PLEKHA7: variants seen among roughly 807,000 people sequenced by gnomAD.
PLEKHA7 encodes pleckstrin homology domain-containing family A member 7.
Under a neutral mutation model 170.0 loss-of-function variants are expected in PLEKHA7, and 104 were observed. That is an observed-to-expected ratio of 0.61 (90% CI 0.52 to 0.72). The LOEUF (loss-of-function observed/expected upper bound fraction) is 0.72, where lower values mean the gene tolerates loss of function less well. Among genes scored for constraint, PLEKHA7 ranks in the 30% least tolerant of loss-of-function variants. The pLI, the probability that PLEKHA7 is intolerant of heterozygous loss-of-function variation, is 0.00. For missense variants in PLEKHA7, 1,615 were observed against 1,671.7 expected (o/e 0.97, Z 0.59); for synonymous variants, 648 against 660.8 (o/e 0.98, Z 0.30).
chr11:16,898,023 C>CT (rs201013644), intron 3 of PLEKHA7, among the ~76,000 whole-genome samples: 117 of 151,284 alleles, frequency 7.7e-4, no homozygotes, highest in African/African-American at 2.7e-3. Flanking sequence ...AAGGCCATTC[C>CT]TTTTTTTTTC....
chr11:16,911,020 A>G (rs1590589090), intron 3 of PLEKHA7, among the ~76,000 whole-genome samples: 2 of 152,184 alleles, frequency 1.3e-5, no homozygotes, highest in South Asian at 4.1e-4. Context: ...AAACATTCCT[A>G]TATCTGATGA....
intron 3 of PLEKHA7, among the ~76,000 whole-genome samples, chr11:16,982,618 A>G (rs1276680872): frequency 6.6e-6 from 1 of 152,168 alleles, no homozygotes; most frequent in Non-Finnish European, 1.5e-5. Flanking sequence ...AACCCGTGGT[A>G]CCGGAGCCCC....
rs1350530973 is a variant in PLEKHA7 at position 16,895,826 on chromosome 11, G to A, written c.222-24644C>T. Reference sequence around the variant, plus strand: ...AATAAACAAACCCTCACCTGAAAGGGGCAAAATCTACTTCTCCTTAGCCTC... The same window carrying A: ...AATAAACAAACCCTCACCTGAAAGGAGCAAAATCTACTTCTCCTTAGCCTC... On this transcript the variant is annotated intron_variant, in intron 3 of 26. Transcript: ENST00000531066. Among the ~76,000 whole-genome samples, 3 of 152,264 alleles carry A rather than the reference G, an allele frequency of 2.0e-5. No individual in the cohort carries two copies. The East Asian group carries it at 5.8e-4, about 29-fold the overall frequency.
At chr11:16,885,273 C>T (rs373185572) in intron 3 of PLEKHA7, among the ~76,000 whole-genome samples, 18 of 150,268 alleles carry the variant, frequency 1.2e-4, no homozygotes, top group African/African-American at 3.7e-4. Flanking sequence ...GAGGTTGCAG[C>T]GAGCCAAGAT....
chr11:16,901,968 A>G (rs1008411267), intron 3 of PLEKHA7, among the ~76,000 whole-genome samples: 1 of 152,184 alleles, frequency 6.6e-6, no homozygotes, highest in African/African-American at 2.4e-5. Context: ...TCATTGCCCT[A>G]AATGGAAGTC....
intron 4 of PLEKHA7, among the ~76,000 whole-genome samples, chr11:16,861,065 A>G (rs1360637361): frequency 2.6e-5 from 4 of 152,232 alleles, no homozygotes; most frequent in Non-Finnish European, 4.4e-5. Flanking sequence ...TTTCCAAGGC[A>G]TATGTCTCCA....
intron 13 of PLEKHA7, among the ~76,000 whole-genome samples, chr11:16,810,250 A>C (rs1388292095): frequency 6.6e-6 from 1 of 152,224 alleles, no homozygotes; most frequent in Admixed American, 6.5e-5. Flanking sequence ...GCAAGCCGTC[A>C]ATACCTCTCC....
At chr11:16,802,902 C>A in intron 15 of PLEKHA7, 70 bp downstream of exon 15, 1 of 1,278,432 alleles carries the variant, frequency 7.8e-7, no homozygotes, top group East Asian at 2.3e-5. Context: ...AGGGTCCAGC[C>A]TATGTCTCAA....
intron 6 of PLEKHA7, among the ~76,000 whole-genome samples, chr11:16,853,700 C>T (rs573066183): frequency 1.3e-5 from 2 of 152,254 alleles, no homozygotes; most frequent in South Asian, 2.1e-4. Flanking sequence ...GGTTAAATGA[C>T]TCAAGTGAGA....
intron 3 of PLEKHA7, among the ~76,000 whole-genome samples, chr11:16,960,026 C>G (rs1458278674): frequency 2.6e-5 from 4 of 152,226 alleles, no homozygotes; most frequent in Non-Finnish European, 4.4e-5. Context: ...TCCTGCCCCC[C>G]AACCTCACTC....
intron 17 of PLEKHA7, among the ~76,000 whole-genome samples, chr11:16,796,335 A>G (rs540178536): frequency 7.8e-4 from 119 of 152,372 alleles, no homozygotes; most frequent in Non-Finnish European, 1.5e-3. Context: ...TTGGCAATAA[A>G]AAGGAATGAA....
At chr11:16,915,715 A>G (rs1433094813) in intron 3 of PLEKHA7, among the ~76,000 whole-genome samples, 6 of 151,772 alleles carry the variant, frequency 4.0e-5, no homozygotes, top group East Asian at 3.9e-4. Flanking sequence ...TGGCTGCATA[A>G]TATTCCATGG....
Position 16,777,809 on chromosome 11 carries a change from G to A in PLEKHA7, c.*1189C>T, listed in dbSNP as rs1477415158. The A allele has an allele frequency of 1.3e-5, 2 of 152,204 alleles. No individual in the cohort carries two copies. Among genetic ancestry groups the A allele is most frequent in the Non-Finnish European group, 2.9e-5 (2 of 68,032 alleles). 9.4% of individuals were successfully genotyped at this position (152,204 alleles called of 1,614,324 possible). The stretch of plus-strand genomic sequence containing the variant: ...CTCCTGCCACCAGACCTGAGTCCCA[G>A]GGAAGCCAATCCGGGGTTCTCCAAG... On this transcript the variant is annotated 3_prime_UTR_variant, in exon 27 of 27. Transcript: ENST00000531066.
At chr11:16,842,929 C>T (rs540292546) in intron 8 of PLEKHA7, among the ~76,000 whole-genome samples, 4 of 152,286 alleles carry the variant, frequency 2.6e-5, no homozygotes, top group African/African-American at 4.8e-5. Flanking sequence ...AGTAACTTTC[C>T]GAGATTTCCA....
rs549872115 is a variant in PLEKHA7 at position 16,944,227 on chromosome 11, G to T, written c.221+69762C>A. ...AAGTTAGCCAGGTGTGGTGGCGGGC[G>T]CCTGTAATCCCAGCTACTTAGTAGG... On this transcript the variant is annotated intron_variant, in intron 3 of 26. Coordinates refer to ENST00000531066, the MANE Select transcript of PLEKHA7 (RefSeq NM_001329630.2). Among the ~76,000 whole-genome samples, 16 of 152,234 alleles carry T rather than the reference G, an allele frequency of 1.1e-4. No homozygotes were observed. In the South Asian group the frequency reaches 3.3e-3, roughly 32 times the overall value.
intron 3 of PLEKHA7, among the ~76,000 whole-genome samples, chr11:16,882,233 G>A (rs922902612): frequency 3.3e-5 from 5 of 152,110 alleles, no homozygotes; most frequent in East Asian, 3.8e-4. Flanking sequence ...ACTAAAACTC[G>A]TATCCATCTT....
Position 16,974,626 on chromosome 11 carries a change from GTTTTTTTT to G in PLEKHA7, c.221+39355_221+39362del. 2 of 149,660 alleles carry G rather than the reference GTTTTTTTT, an allele frequency of 1.3e-5. 1 individual carries two copies. Among genetic ancestry groups the G allele is most frequent in the South Asian group, 2.5e-4 (2 of 8,100 alleles). 9.3% of individuals were successfully genotyped at this position (149,660 alleles called of 1,614,324 possible). ...TACAGACCTCACAGAGATTTCACAG[GTTTTTTTT>G]TTTTTTTTTTTTGAACATAAACTCA... On this transcript the variant is annotated intron_variant, in intron 3 of 26. Transcript: ENST00000531066.
At chr11:16,783,873 A>G in intron 24 of PLEKHA7, 40 bp from the exon 25 acceptor site, 2 of 1,388,452 alleles carry the variant, frequency 1.4e-6, no homozygotes, top group Non-Finnish European at 1.9e-6. Context: ...AGAGGCTCAG[A>G]TGTCTGGGTT....
rs775934808 is a variant in PLEKHA7 at position 16,817,200 on chromosome 11, C to G, written c.1466G>C (p.Arg489Pro). Residue 489 changes from arginine (R) to proline (P), a missense_variant, in exon 11 of 27, where the codon CGA becomes CCA. Coordinates refer to ENST00000531066, the MANE Select transcript of PLEKHA7 (RefSeq NM_001329630.2). The surrounding 1 kb of genome is among the most constrained non-coding windows in gnomAD (Gnocchi z 4.4). ...HPSGGSSPPPRNLPSDYKYAQ... is the reference protein window; with the variant it reads ...HPSGGSSPPPPNLPSDYKYAQ... Reference sequence around the variant, plus strand: ...ATACTTGTAGTCACTTGGCAGGTTTCGGGGAGGTGGCGAGGAGCCCCCCGA... The same window carrying G: ...ATACTTGTAGTCACTTGGCAGGTTTGGGGGAGGTGGCGAGGAGCCCCCCGA... The G allele has an allele frequency of 6.2e-7, 1 of 1,614,036 alleles. No individual in the cohort carries two copies. The highest frequency in any genetic ancestry group is 1.1e-5 in the South Asian group (1 of 91,060).
Sources: allele counts gnomAD v4.1 joint callset (sites outside exome capture counted in the v4.1 genomes callset), GRCh38; gene constraint gnomAD v4.1.1; non-coding constraint Gnocchi (gnomAD v3.1); transcripts MANE v1.5; gene names NCBI Gene and HGNC (gene_info 2026-07-23, HGNC 2026-07-21).